Variants in ATP11A observed in about 807,000 individuals in gnomAD.
ATP11A encodes phospholipid-transporting ATPase IH.
In ATP11A, 81 loss-of-function variants were observed where a neutral mutation model predicts 154.4. The ratio of observed to expected loss-of-function variants is 0.52; its 90% CI spans 0.44 to 0.63. ATP11A has a LOEUF of 0.63. ATP11A is among the 30% of genes least tolerant of loss of function. The pLI is 0.00. For synonymous variants in ATP11A, 623 were observed against 585.9 expected (o/e 1.06, Z -0.91); for missense variants, 1,316 against 1,474.3 (o/e 0.89, Z 1.76).
In ATP11A at chr13:112,810,630, C is replaced by T. The variant is rs747989067; in HGVS notation, c.345C>T (p.Asp115=). The T allele has an allele frequency of 2.5e-5, 40 of 1,613,870 alleles. No homozygotes were observed. Among genetic ancestry groups the T allele is most frequent in the Non-Finnish European group, 3.3e-5 (39 of 1,179,858 alleles). The change falls in exon 5 of 30, where the codon GAC becomes GAT. Residue 115 remains aspartate (D), a synonymous_variant. Transcript: ENST00000375645. ...TVTAIKQGYE[D]WLRHKADNAM... Reference sequence around the variant, plus strand: ...CTTCCTTTTTTTAGGGTTATGAAGACTGGCTTCGACATAAAGCAGACAATG... The same window carrying T: ...CTTCCTTTTTTTAGGGTTATGAAGATTGGCTTCGACATAAAGCAGACAATG...
At chr13:112,854,621 T>G in intron 19 of ATP11A, 91 bp downstream of exon 19, 1 of 1,444,250 alleles carries the variant, frequency 6.9e-7, no homozygotes, top group Non-Finnish European at 9.3e-7. Flanking sequence ...GGAGCCGCAT[T>G]GTCTCTACTG....
intron 17 of ATP11A, among the ~76,000 whole-genome samples, chr13:112,850,017 C>G (rs1347964895): frequency 6.6e-6 from 1 of 152,188 alleles, no homozygotes; most frequent in Non-Finnish European, 1.5e-5. Flanking sequence ...CTGACTTCTT[C>G]AACTCCCCCT....
intron 4 of ATP11A, among the ~76,000 whole-genome samples, chr13:112,809,550 C>T (rs1414461184): frequency 6.6e-6 from 1 of 151,802 alleles, no homozygotes; most frequent in East Asian, 1.9e-4. Flanking sequence ...GGTTGTGTGT[C>T]TCAGCACACA....
At chr13:112,698,704 T>TTTTATTTATTTATC (rs563534664) in intron 1 of ATP11A, among the ~76,000 whole-genome samples, 1 of 148,896 alleles carries the variant, frequency 6.7e-6, no homozygotes, top group Non-Finnish European at 1.5e-5. Flanking sequence ...TAAACCAATC[T>TTTTATTTATTTATC]TTTATTTATT....
At chr13:112,806,572 A>G (rs547844681) in intron 4 of ATP11A, among the ~76,000 whole-genome samples, 1 of 152,278 alleles carries the variant, frequency 6.6e-6, no homozygotes, top group East Asian at 1.9e-4. Flanking sequence ...TGAGTCACTT[A>G]ACCTTTCTGT....
Position 112,886,920 on chromosome 13 carries a change from C to T in ATP11A, c.*5054C>T, listed in dbSNP as rs920327591. On this transcript the variant is annotated 3_prime_UTR_variant, in exon 30 of 30. Coordinates refer to ENST00000375645, the MANE Select transcript of ATP11A (RefSeq NM_015205.3). The stretch of plus-strand genomic sequence containing the variant: ...TAGGTGCATTAACATAAATCAGTCT[C>T]CACACAGTAACATTTAACTGATAAT... 1 of 152,178 alleles carries T rather than the reference C, an allele frequency of 6.6e-6. No individual in the cohort carries two copies. The highest frequency in any genetic ancestry group is 2.4e-5 in the African/African-American group (1 of 41,430). 9.4% of individuals were successfully genotyped at this position (152,178 alleles called of 1,614,324 possible). A position where few individuals can be genotyped will look rare whatever the true frequency, so the allele number is the denominator to read the frequency against.
intron 5 of ATP11A, among the ~76,000 whole-genome samples, chr13:112,813,115 C>G (rs1369107258): frequency 6.6e-6 from 1 of 152,218 alleles, no homozygotes; most frequent in African/African-American, 2.4e-5. Context: ...TCAGGCTTTT[C>G]CTACAACGGC....
chr13:112,878,483 T>C lies in ATP11A; in HGVS notation c.*9+180T>C. 6.3e-6 allele frequency: 4 copies of C among 632,192 alleles called. No homozygotes were observed. In the East Asian group the frequency reaches 8.2e-5, roughly 13 times the overall value. The allele number at this position is 632,192 out of a possible 1,614,324, so 39.2% of individuals were successfully genotyped here. Reference sequence around the variant, plus strand: ...CACCTTCTCATGCACAGACTGATCATGGGCTGTGCTTTCCATCAGTCACAG... The same window carrying C: ...CACCTTCTCATGCACAGACTGATCACGGGCTGTGCTTTCCATCAGTCACAG... On this transcript the variant is annotated intron_variant, in intron 29 of 29. Transcript: ENST00000375645.
rs544479552 is a variant in ATP11A, at chr13:112,702,410, C to T, written c.39+11955C>T. Reference sequence around the variant, plus strand: ...CCGTAGCAACCACACGGAGGCCCCCCGCCCCGCCCCCCGCGTGTTCCAGTG... The same window carrying T: ...CCGTAGCAACCACACGGAGGCCCCCTGCCCCGCCCCCCGCGTGTTCCAGTG... On this transcript the variant is annotated intron_variant, in intron 1 of 29. Transcript: ENST00000375645. Among the ~76,000 whole-genome samples the T allele has an allele frequency of 7.2e-5, 11 of 152,240 alleles. No homozygotes were observed. The South Asian group carries it at 1.0e-3, about 14-fold the overall frequency.
intron 2 of ATP11A, among the ~76,000 whole-genome samples, chr13:112,789,906 T>C (rs1212136789): frequency 1.3e-5 from 2 of 151,790 alleles, no homozygotes; most frequent in African/African-American, 2.4e-5. Context: ...GGAGACCTAC[T>C]TAATTCACAC....
chr13:112,878,153 T>C (rs946308811), intron 28 of ATP11A, 64 bp from the exon 29 acceptor site: 11 of 1,465,648 alleles, frequency 7.5e-6, no homozygotes, highest in Non-Finnish European at 1.1e-5. Flanking sequence ...CCGACCGCTT[T>C]GCCTAAATCC....
At chr13:112,788,893 A>G (rs895158491) in intron 2 of ATP11A, among the ~76,000 whole-genome samples, 1 of 151,156 alleles carries the variant, frequency 6.6e-6, no homozygotes, top group African/African-American at 2.4e-5. Flanking sequence ...TCCTATGTAG[A>G]CCTATTTAAT....
chr13:112,844,702 C>T (rs563448338), intron 17 of ATP11A, among the ~76,000 whole-genome samples: 496 of 149,098 alleles, frequency 3.3e-3, no homozygotes, highest in Non-Finnish European at 5.4e-3. Context: ...CGAGCACTAG[C>T]GGTACTAGTT....
In ATP11A at chr13:112,697,069, C is replaced by T. The variant is rs374746390; in HGVS notation, c.39+6614C>T. Among the ~76,000 whole-genome samples the T allele has an allele frequency of 7.9e-4, 120 of 152,290 alleles. 1 individual carries two copies. Among genetic ancestry groups the T allele is most frequent in the African/African-American group, 2.8e-3 (116 of 41,572 alleles). ...GTGGCGGGGTGGACGAGGTGAGGGC[C>T]TGGCCAGGTGGGTGCCTGCGTGTCC... On this transcript the variant is annotated intron_variant, in intron 1 of 29. Coordinates refer to ENST00000375645, the MANE Select transcript of ATP11A (RefSeq NM_015205.3). This position sits in a 1 kb window ranked among gnomAD's most constrained non-coding sequence, Gnocchi z 4.0.
Position 112,746,919 on chromosome 13 carries a change from C to G in ATP11A, c.40-38216C>G, listed in dbSNP as rs1404873710. 6.6e-6 allele frequency: 1 copy of G among 151,576 alleles called. No homozygotes were observed. Among genetic ancestry groups the G allele is most frequent in the African/African-American group, 2.4e-5 (1 of 41,204 alleles). The allele number at this position is 151,576 out of a possible 1,614,324, so 9.4% of individuals were successfully genotyped here. A position where few individuals can be genotyped will look rare whatever the true frequency, so the allele number is the denominator to read the frequency against. On this transcript the variant is annotated intron_variant, in intron 1 of 29. Coordinates refer to ENST00000375645, the MANE Select transcript of ATP11A (RefSeq NM_015205.3). This position sits in a 1 kb window ranked among gnomAD's most constrained non-coding sequence, Gnocchi z 4.1. ...TATTAGACCTTCTTGCTACAAATGTCTATTGAGGTTCTTTGCCTATTTTAA... is the reference window on the plus strand; with the variant it reads ...TATTAGACCTTCTTGCTACAAATGTGTATTGAGGTTCTTTGCCTATTTTAA...
chr13:112,771,093 GT>G (rs1462900953), intron 1 of ATP11A, among the ~76,000 whole-genome samples: 1 of 152,142 alleles, frequency 6.6e-6, no homozygotes. Context: ...GCTAAAAGTG[GT>G]TTTCAGCCTA....
chr13:112,784,856 T>G lies in ATP11A; in HGVS notation c.40-279T>G, dbSNP rs1266484090. Among the ~76,000 whole-genome samples the G allele has an allele frequency of 2.0e-5, 3 of 152,318 alleles. No individual in the cohort carries two copies. The East Asian group carries it at 5.8e-4, about 29-fold the overall frequency. Reference sequence around the variant, plus strand: ...TTCTTATGTACACGCCCTGAGCTGTTTCCACTGGCAGTCAGCTTTGAAGTT... The same window carrying G: ...TTCTTATGTACACGCCCTGAGCTGTGTCCACTGGCAGTCAGCTTTGAAGTT... On this transcript the variant is annotated intron_variant, in intron 1 of 29. Transcript: ENST00000375645.
At position 112,785,195 on chromosome 13, in the gene ATP11A, C is replaced by A; in HGVS notation, c.100C>A (p.Pro34Thr). Residue 34 changes from proline to threonine, a missense_variant, in exon 2 of 30, where the codon CCT becomes ACT. This residue lies in a region of ATP11A where 123 missense variants were observed against 113.7 expected (regional missense o/e 1.08). Coordinates refer to ENST00000375645, the MANE Select transcript of ATP11A (RefSeq NM_015205.3). This position sits in a 1 kb window ranked among gnomAD's most constrained non-coding sequence, Gnocchi z 4.8. ...RTIYVGHREP[P>T]PGAEAYIPQR... is the part of the protein sequence containing the mutation. Reference sequence around the variant, plus strand: ...CATCTACGTGGGACACAGGGAGCCACCTCCGGGCGCAGAGGCCTACATCCC... The same window carrying A: ...CATCTACGTGGGACACAGGGAGCCAACTCCGGGCGCAGAGGCCTACATCCC... 1 of 1,578,896 alleles carries A rather than the reference C, an allele frequency of 6.3e-7. No individual in the cohort carries two copies. Among genetic ancestry groups the A allele is most frequent in the Non-Finnish European group, 8.6e-7 (1 of 1,163,062 alleles).
chr13:112,720,911 G>C (rs971435991), intron 1 of ATP11A, among the ~76,000 whole-genome samples: 1 of 152,090 alleles, frequency 6.6e-6, no homozygotes, highest in East Asian at 1.9e-4. Flanking sequence ...CCCTTATGTC[G>C]TGGCCGAGAA....
Sources: allele counts gnomAD v4.1 joint callset (sites outside exome capture counted in the v4.1 genomes callset), GRCh38; gene constraint gnomAD v4.1.1; regional missense constraint gnomAD v4.1.1; non-coding constraint Gnocchi (gnomAD v3.1); transcripts MANE v1.5; gene names NCBI Gene and HGNC (gene_info 2026-07-23, HGNC 2026-07-21).